The following CACNG3 variants were observed in gnomAD, a reference collection of about 807,000 sequenced individuals.
The protein encoded by CACNG3 is calcium voltage-gated channel auxiliary subunit gamma 3, also known as voltage-dependent calcium channel gamma-3 subunit.
A neutral mutation model predicts 28.5 loss-of-function variants in CACNG3; 3 were observed. The observed-to-expected ratio is 0.11, with a 90% confidence interval of 0.05 to 0.27. The LOEUF (loss-of-function observed/expected upper bound fraction) is 0.27. Among genes scored for constraint, CACNG3 ranks in the 10% least tolerant of loss-of-function variants. The pLI, the probability that CACNG3 is intolerant of heterozygous loss-of-function variation, is 1.00. For synonymous variants in CACNG3, 174 were observed against 162.2 expected (o/e 1.07, Z -0.55); for missense variants, 236 against 414.4 (o/e 0.57, Z 3.74).
chr16:24,287,429 A>C (rs1379415505), intron 1 of CACNG3, among the ~76,000 whole-genome samples: 1 of 151,592 alleles, frequency 6.6e-6, no homozygotes, highest in Admixed American at 6.6e-5. Context: ...GAGGCATGAG[A>C]ATCACTTGAA....
intron 1 of CACNG3, among the ~76,000 whole-genome samples, chr16:24,283,297 C>A (rs111378144): frequency 6.6e-6 from 1 of 152,096 alleles, no homozygotes; most frequent in African/African-American, 2.4e-5. Context: ...TGGGAATGAT[C>A]GACATCTTTA....
Position 24,256,534 on chromosome 16 carries a change from C to G in CACNG3, c.-221C>G. 2 of 559,096 alleles carry G rather than the reference C, an allele frequency of 3.6e-6. No individual in the cohort carries two copies. The highest frequency in any genetic ancestry group is 2.1e-5 in the South Asian group (1 of 47,094). The allele number at this position is 559,096 out of a possible 1,614,324, so 34.6% of individuals were successfully genotyped here. Reference sequence around the variant, plus strand: ...GCAGCAGTGATGCGGACCAACCCCCCGGAGCCTGCACCCTTCCGAGGGCCA... The same window carrying G: ...GCAGCAGTGATGCGGACCAACCCCCGGGAGCCTGCACCCTTCCGAGGGCCA... On this transcript the variant is annotated 5_prime_UTR_variant, in exon 1 of 4. Transcript: ENST00000005284. This position sits in a 1 kb window ranked among gnomAD's most constrained non-coding sequence, Gnocchi z 4.6.
chr16:24,327,288 G>A (rs1399505285), intron 1 of CACNG3, among the ~76,000 whole-genome samples: 1 of 151,318 alleles, frequency 6.6e-6, no homozygotes, highest in African/African-American at 2.4e-5. Context: ...GCTGGGTGCT[G>A]TGACTGATGC....
chr16:24,297,505 A>G (rs1899047484), intron 1 of CACNG3, among the ~76,000 whole-genome samples: 1 of 152,178 alleles, frequency 6.6e-6, no homozygotes, highest in Non-Finnish European at 1.5e-5. Context: ...CAAGCTGAAC[A>G]GAGGATGCAT....
chr16:24,261,463 A>G (rs1898536378), intron 1 of CACNG3, among the ~76,000 whole-genome samples: 1 of 152,234 alleles, frequency 6.6e-6, no homozygotes, highest in Non-Finnish European at 1.5e-5. Flanking sequence ...TTTAAAATGC[A>G]GGCAACTCTT....
At chr16:24,335,177 T>C (rs1438524126) in intron 1 of CACNG3, among the ~76,000 whole-genome samples, 2 of 152,120 alleles carry the variant, frequency 1.3e-5, no homozygotes, top group African/African-American at 2.4e-5. Context: ...CCCAGCGCTT[T>C]GGGAGGCTGA....
chr16:24,300,280 C>G (rs1007306615), intron 1 of CACNG3, among the ~76,000 whole-genome samples: 6 of 152,066 alleles, frequency 3.9e-5, no homozygotes, highest in South Asian at 2.1e-4. Context: ...ATGGGGGAGA[C>G]AGTGGGCTCT....
intron 1 of CACNG3, among the ~76,000 whole-genome samples, chr16:24,297,598 C>CTGA (rs1398787825): frequency 6.6e-6 from 1 of 152,178 alleles, no homozygotes; most frequent in Non-Finnish European, 1.5e-5. Flanking sequence ...AAGTGTCCTC[C>CTGA]AGACTCGATA....
intron 3 of CACNG3, among the ~76,000 whole-genome samples, chr16:24,357,979 G>C (rs1900056652): frequency 6.6e-6 from 1 of 152,226 alleles, no homozygotes; most frequent in Non-Finnish European, 1.5e-5. Context: ...AGCCTGACGG[G>C]AAGGCAGAGG....
At chr16:24,272,496 T>C (rs1287513003) in intron 1 of CACNG3, among the ~76,000 whole-genome samples, 2 of 152,170 alleles carry the variant, frequency 1.3e-5, no homozygotes, top group Non-Finnish European at 2.9e-5. Flanking sequence ...ATTAGACATT[T>C]AATCATGCAC....
At position 24,354,687 on chromosome 16, in the gene CACNG3, C is replaced by T. The variant is rs930854246; in HGVS notation, c.296-146C>T. The T allele has an allele frequency of 6.7e-6, 5 of 745,966 alleles. No homozygotes were observed. The African/African-American group carries it at 8.8e-5, about 13-fold the overall frequency. 46.2% of individuals were successfully genotyped at this position (745,966 alleles called of 1,614,324 possible). A position where few individuals can be genotyped will look rare whatever the true frequency, so the allele number is the denominator to read the frequency against. On this transcript the variant is annotated intron_variant, in intron 2 of 3. Coordinates refer to ENST00000005284, the MANE Select transcript of CACNG3 (RefSeq NM_006539.4). ...CCAAGACTCCTTCTAAGCACAGGCC[C>T]TGAGCGCCTGGTCTCATGCCCGTGT... is the stretch of plus-strand genomic sequence containing the variant.
intron 1 of CACNG3, among the ~76,000 whole-genome samples, chr16:24,336,497 G>A (rs543528757): frequency 6.6e-5 from 10 of 151,698 alleles, no homozygotes; most frequent in African/African-American, 9.6e-5. Context: ...GGATGGTCTC[G>A]ATATCCTGAC....
At chr16:24,257,759 C>A (rs1387183504) in intron 1 of CACNG3, among the ~76,000 whole-genome samples, 1 of 152,156 alleles carries the variant, frequency 6.6e-6, no homozygotes, top group Non-Finnish European at 1.5e-5. Context: ...CCAAGAATTG[C>A]AGTTCGTCAT....
chr16:24,267,261 T>C lies in CACNG3; in HGVS notation c.211+10296T>C, dbSNP rs562060802. ...GATTACAGGTTTGAGCCACCGCACC[T>C]GGCCTATTTTTAATTTCTTAATTTT... On this transcript the variant is annotated intron_variant, in intron 1 of 3. Transcript: ENST00000005284. Among the ~76,000 whole-genome samples, 35 of 152,186 alleles carry C rather than the reference T, an allele frequency of 2.3e-4. No homozygotes were observed. The East Asian group carries it at 6.2e-3, about 27-fold the overall frequency.
At chr16:24,347,985 A>G (rs1156354988) in intron 2 of CACNG3, among the ~76,000 whole-genome samples, 1 of 152,194 alleles carries the variant, frequency 6.6e-6, no homozygotes, top group Non-Finnish European at 1.5e-5. Context: ...CGTTTCTTGC[A>G]TGGGATTAGC....
intron 1 of CACNG3, among the ~76,000 whole-genome samples, chr16:24,295,628 C>G (rs530613125): frequency 5.9e-5 from 9 of 152,058 alleles, no homozygotes; most frequent in Non-Finnish European, 1.3e-4. Flanking sequence ...AGGAAGATTA[C>G]TTGAGCCTAG....
intron 1 of CACNG3, among the ~76,000 whole-genome samples, chr16:24,298,835 C>A (rs1326677177): frequency 1.3e-5 from 2 of 152,150 alleles, no homozygotes. Context: ...GCTAGTTATT[C>A]TGTGGAATAT....
intron 1 of CACNG3, among the ~76,000 whole-genome samples, chr16:24,314,882 T>G (rs1899327385): frequency 6.6e-6 from 1 of 152,010 alleles, no homozygotes; most frequent in Non-Finnish European, 1.5e-5. Context: ...TTCCGAGGGT[T>G]ATGATGATCG....
chr16:24,268,775 G>C (rs573647684), intron 1 of CACNG3, among the ~76,000 whole-genome samples: 1 of 152,282 alleles, frequency 6.6e-6, no homozygotes, highest in African/African-American at 2.4e-5. Context: ...TGGGGTGTTC[G>C]CCAATGGGGG....
Sources: allele counts gnomAD v4.1 joint callset (sites outside exome capture counted in the v4.1 genomes callset), GRCh38; gene constraint gnomAD v4.1.1; non-coding constraint Gnocchi (gnomAD v3.1); transcripts MANE v1.5; gene names NCBI Gene and HGNC (gene_info 2026-07-23, HGNC 2026-07-21).